The following TMEM38A variants were observed in gnomAD, a reference collection of about 807,000 sequenced individuals.
TMEM38A encodes the protein transmembrane protein 38A, also known as trimeric intracellular cation channel type A.
TMEM38A carries 17 observed loss-of-function variants against 28.6 expected under a neutral mutation model. The observed-to-expected ratio is 0.60, with a 90% confidence interval of 0.41 to 0.89. TMEM38A has a LOEUF of 0.89. Ranked by LOEUF, TMEM38A falls within the 40% of genes least tolerant of loss-of-function variation. The probability of loss-of-function intolerance (pLI) is 0.00; values close to 1 mark genes in which losing one functional copy is unlikely to be tolerated. For synonymous variants in TMEM38A, 169 were observed against 166.1 expected, an observed-to-expected ratio of 1.02 and a Z score of -0.14; for missense variants, 328 against 393.1, an observed-to-expected ratio of 0.83 and a Z score of 1.40.
intron 1 of TMEM38A, among the ~76,000 whole-genome samples, chr19:16,672,397 C>T (rs1043721648): frequency 6.6e-6 from 1 of 150,454 alleles, no homozygotes; most frequent in Non-Finnish European, 1.5e-5. Context: ...AAAATACACT[C>T]ACACTAACGA....
At chr19:16,680,346 A>C (rs1568316089) in intron 2 of TMEM38A, 51 bp from the exon 3 acceptor site, 1 of 1,600,672 alleles carries the variant, frequency 6.2e-7, no homozygotes, top group South Asian at 1.1e-5. Context: ...CCCTACCCCC[A>C]TCCTTCACAG....
chr19:16,674,220 A>G (rs925714988), intron 1 of TMEM38A, among the ~76,000 whole-genome samples: 1 of 151,746 alleles, frequency 6.6e-6, no homozygotes, highest in Non-Finnish European at 1.5e-5. Context: ...CCCCCTGTCT[A>G]CTAAAACTAC....
intron 5 of TMEM38A, among the ~76,000 whole-genome samples, 153 bp from the exon 6 acceptor site, chr19:16,687,991 G>A (rs780854015): frequency 6.6e-5 from 10 of 152,126 alleles, no homozygotes; most frequent in Non-Finnish European, 1.3e-4. Flanking sequence ...TCCTGGGGGT[G>A]CATGCAGCCA....
intron 1 of TMEM38A, 119 bp from the exon 2 acceptor site, chr19:16,679,865 T>A: frequency 8.9e-7 from 1 of 1,121,142 alleles, no homozygotes; most frequent in Non-Finnish European, 1.2e-6. Context: ...CTCTGAAACT[T>A]ACAAACTGCA....
chr19:16,663,282 A>G (rs1015854638), intron 1 of TMEM38A, among the ~76,000 whole-genome samples: 2 of 142,006 alleles, frequency 1.4e-5, no homozygotes, highest in Non-Finnish European at 3.1e-5. Context: ...CTCTGTCTCG[A>G]AAAAAAAAAA....
At chr19:16,687,571 A>T (rs1330191846) in intron 5 of TMEM38A, among the ~76,000 whole-genome samples, 2 of 152,114 alleles carry the variant, frequency 1.3e-5, no homozygotes, top group Non-Finnish European at 2.9e-5. Flanking sequence ...GGAGGCTGGG[A>T]AGTCCAAGAT....
chr19:16,687,294 C>T (rs569620761), intron 5 of TMEM38A, among the ~76,000 whole-genome samples: 5 of 151,592 alleles, frequency 3.3e-5, no homozygotes, highest in South Asian at 4.2e-4. Context: ...ATCGCACCAC[C>T]GCACTCCAGC....
At chr19:16,683,587 T>C (rs1446761112) in intron 4 of TMEM38A, among the ~76,000 whole-genome samples, 1 of 120,084 alleles carries the variant, frequency 8.3e-6, no homozygotes, top group Admixed American at 8.6e-5. Context: ...AGCAAGACCT[T>C]GTCTCAAAAA....
intron 1 of TMEM38A, among the ~76,000 whole-genome samples, chr19:16,664,557 C>A (rs1042071784): frequency 6.6e-6 from 1 of 152,046 alleles, no homozygotes. Flanking sequence ...TTTGCCAGGC[C>A]GATACAAAGT....
In TMEM38A at chr19:16,689,003, CAAAA is replaced by C. The variant is rs3033525; in HGVS notation, c.*646_*649del. ...ACCTGTCTCCAGCAAGACCCTGTCT[CAAAA>C]AAAAAAAAAAAAATTGCATATTGAC... On this transcript the variant is annotated 3_prime_UTR_variant, in exon 6 of 6. Coordinates refer to ENST00000187762, the MANE Select transcript of TMEM38A (RefSeq NM_024074.4). 21,574 of 142,572 alleles carry C rather than the reference CAAAA, an allele frequency of 0.15. 2,446 individuals are homozygous for C. The highest frequency in any genetic ancestry group is 0.33 in the African/African-American group (13,039 of 39,466). 8.8% of individuals were successfully genotyped at this position (142,572 alleles called of 1,614,324 possible).
intron 4 of TMEM38A, among the ~76,000 whole-genome samples, chr19:16,685,790 C>A (rs924129326): frequency 2.6e-5 from 4 of 152,240 alleles, no homozygotes; most frequent in Admixed American, 2.6e-4. Flanking sequence ...ATTCCAGGAG[C>A]TGGACAAAGG....
intron 1 of TMEM38A, among the ~76,000 whole-genome samples, chr19:16,665,433 T>C (rs899608048): frequency 1.3e-5 from 2 of 151,874 alleles, no homozygotes; most frequent in Non-Finnish European, 2.9e-5. Context: ...GAGGCTGCAG[T>C]GAGCCATGAT....
rs2086810845 is a variant in TMEM38A, at chr19:16,688,356, C to A, written c.885C>A (p.Ala295=). 1.3e-6 allele frequency: 2 copies of A among 1,590,206 alleles called. No homozygotes were observed. Among genetic ancestry groups the A allele is most frequent in the East Asian group, 4.6e-5 (2 of 43,640 alleles). The change falls in exon 6 of 6, where the codon GCC becomes GCA. Residue 295 remains alanine, a synonymous_variant. Transcript: ENST00000187762. ...ELSEGSRKKK[A]KKAD ...GCGAGGGCTCCAGGAAGAAGAAGGC[C>A]AAGAAGGCGGATTAGGGGGTGGCCC... is the stretch of plus-strand genomic sequence containing the variant.
intron 1 of TMEM38A, among the ~76,000 whole-genome samples, chr19:16,678,289 C>T (rs890882035): frequency 7.2e-5 from 11 of 152,052 alleles, no homozygotes; most frequent in East Asian, 3.9e-4. Context: ...ATTAGTTGGG[C>T]GTGGTGGCGC....
chr19:16,688,644 A>G lies in TMEM38A; in HGVS notation c.*273A>G, dbSNP rs2086812427. ...TTCACAGAATCCTGGCAGCAGCTCC[A>G]GTCAAGAATGTCACTGGTTGGCATG... On this transcript the variant is annotated 3_prime_UTR_variant, in exon 6 of 6. Transcript: ENST00000187762. 1 of 328,164 alleles carries G rather than the reference A, an allele frequency of 3.0e-6. No individual in the cohort carries two copies. The highest frequency in any genetic ancestry group is 5.5e-6 in the Non-Finnish European group (1 of 181,152). 20.3% of individuals were successfully genotyped at this position (328,164 alleles called of 1,614,324 possible).
At position 16,667,290 on chromosome 19, in the gene TMEM38A, A is replaced by G. The variant is rs905780732; in HGVS notation, c.124+5949A>G. On this transcript the variant is annotated intron_variant, in intron 1 of 5. Transcript: ENST00000187762. ...AAACTCCATTTCAGGAAAAAAAAAAAGAGAAAGAAATGCAGAACCCAGGCC... is the reference window on the plus strand; with the variant it reads ...AAACTCCATTTCAGGAAAAAAAAAAGGAGAAAGAAATGCAGAACCCAGGCC... 1.7e-3 allele frequency among the ~76,000 whole-genome samples: 243 copies of G among 143,564 alleles called. 1 individual carries two copies. Among genetic ancestry groups the G allele is most frequent in the Non-Finnish European group, 2.8e-3 (180 of 63,730 alleles). 94.2% of individuals were successfully genotyped at this position (143,564 alleles called of 152,430 possible). A position where few individuals can be genotyped will look rare whatever the true frequency, so the allele number is the denominator to read the frequency against.
In TMEM38A at chr19:16,682,511, G is replaced by A. The variant is rs1227721941; in HGVS notation, c.554+3G>A. On this transcript the variant is annotated splice_donor_region_variant and intron_variant, in intron 4 of 5. Transcript: ENST00000187762. The stretch of plus-strand genomic sequence containing the variant: ...AACGAGATCCTGCACATGTCTTTGT[G>A]AGTATCCCACTCCACCTCTCCCTCC... 2 of 1,613,824 alleles carry A rather than the reference G, an allele frequency of 1.2e-6. No individual in the cohort carries two copies.
chr19:16,682,137 G>A (rs938867413), intron 3 of TMEM38A, among the ~76,000 whole-genome samples: 1 of 152,062 alleles, frequency 6.6e-6, no homozygotes, highest in Non-Finnish European at 1.5e-5. Flanking sequence ...TGGATTAGGG[G>A]CATCAGGACA....
chr19:16,676,870 C>G (rs2086754036), intron 1 of TMEM38A, among the ~76,000 whole-genome samples: 1 of 148,586 alleles, frequency 6.7e-6, no homozygotes, highest in Non-Finnish European at 1.5e-5. Flanking sequence ...CAGCAATTCT[C>G]TTGACTCAGC....
Sources: allele counts gnomAD v4.1 joint callset (sites outside exome capture counted in the v4.1 genomes callset), GRCh38; gene constraint gnomAD v4.1.1; transcripts MANE v1.5; gene names NCBI Gene and HGNC (gene_info 2026-07-23, HGNC 2026-07-21).